The following STAM variants were observed in gnomAD, a reference collection of about 807,000 sequenced individuals.
The protein encoded by STAM is signal transducing adapter molecule 1.
A neutral mutation model predicts 63.4 loss-of-function variants in STAM; 16 were observed. The ratio of observed to expected loss-of-function variants is 0.25; its 90% CI spans 0.17 to 0.38. The LOEUF (loss-of-function observed/expected upper bound fraction) is 0.38. Ranked by LOEUF, STAM falls within the 10% of genes least tolerant of loss-of-function variation. The pLI is 1.00. For missense variants in STAM, 636 were observed against 657.1 expected (o/e 0.97, Z 0.35); for synonymous variants, 238 against 223.9 (o/e 1.06, Z -0.56).
At chr10:17,677,407 A>T (rs1298361367) in intron 2 of STAM, among the ~76,000 whole-genome samples, 1 of 152,036 alleles carries the variant, frequency 6.6e-6, no homozygotes, top group Non-Finnish European at 1.5e-5. Context: ...TCTTTAGATT[A>T]TTTTTTACTG....
chr10:17,685,439 C>T (rs1029048873), intron 4 of STAM, among the ~76,000 whole-genome samples: 2 of 152,110 alleles, frequency 1.3e-5, no homozygotes, highest in African/African-American at 4.8e-5. Context: ...CAAGGGACTG[C>T]CCCAAACTGT....
At chr10:17,687,494 A>C (rs1835343560) in intron 4 of STAM, among the ~76,000 whole-genome samples, 1 of 103,744 alleles carries the variant, frequency 9.6e-6, no homozygotes, top group African/African-American at 3.9e-5. Context: ...GTCTCAAAAA[A>C]CAAACCAAAA....
In STAM at chr10:17,714,691, A is replaced by G; in HGVS notation, c.1534A>G (p.Asn512Asp). 1.2e-6 allele frequency: 2 copies of G among 1,614,092 alleles called. No homozygotes were observed. The highest frequency in any genetic ancestry group is 2.2e-5 in the South Asian group (2 of 91,080). The stretch of plus-strand genomic sequence containing the variant: ...TAATATGCCCCAGGTGCCAAACTAT[A>G]ACTTAACATCATCAACTCTGCCTCA... The part of the protein sequence containing the change: ...GPNMPQVPNY[N>D]LTSSTLPQPG... Residue 512 changes from asparagine to aspartate, a missense_variant, in exon 14 of 14, where the codon AAC (asparagine) becomes GAC (aspartate). By Grantham distance (23) the Asn-to-Asp change is conservative (BLOSUM62 1). Around this residue, in one of 3 missense-constraint regions of STAM, gnomAD observed 532 missense variants for 536.9 expected, o/e 0.99. Transcript: ENST00000377524.
intron 5 of STAM, among the ~76,000 whole-genome samples, chr10:17,689,130 A>G (rs1564555680): frequency 6.6e-6 from 1 of 152,226 alleles, no homozygotes; most frequent in South Asian, 2.1e-4. Context: ...TGTAGAAAAA[A>G]ATCAAGAAAT....
chr10:17,699,581 A>C (rs1835902111), intron 8 of STAM, among the ~76,000 whole-genome samples: 1 of 152,208 alleles, frequency 6.6e-6, no homozygotes, highest in Admixed American at 6.5e-5. Flanking sequence ...ATGTCAAATG[A>C]TAATATTATA....
At chr10:17,702,265 T>G (rs868916671) in intron 9 of STAM, among the ~76,000 whole-genome samples, 1 of 152,174 alleles carries the variant, frequency 6.6e-6, no homozygotes, top group Non-Finnish European at 1.5e-5. Context: ...TTACATACTT[T>G]TAGTGCAAAG....
chr10:17,705,105 CT>C, intron 11 of STAM, 81 bp downstream of exon 11: 1 of 1,192,056 alleles, frequency 8.4e-7, no homozygotes, highest in African/African-American at 1.5e-5. Context: ...CTATAACTGC[CT>C]TTTAAAAAAA....
At chr10:17,660,119 T>C (rs532284143) in intron 1 of STAM, among the ~76,000 whole-genome samples, 49 of 152,318 alleles carry the variant, frequency 3.2e-4, no homozygotes, top group African/African-American at 1.2e-3. Flanking sequence ...AAAGATTTAC[T>C]AGCAAGTAAA....
At chr10:17,653,156 C>T (rs1833803236) in intron 1 of STAM, among the ~76,000 whole-genome samples, 1 of 152,108 alleles carries the variant, frequency 6.6e-6, no homozygotes, top group African/African-American at 2.4e-5. Flanking sequence ...GGATAGGGAC[C>T]TGGAGATTAA....
chr10:17,653,181 T>C (rs1191821602), intron 1 of STAM, among the ~76,000 whole-genome samples: 2 of 152,146 alleles, frequency 1.3e-5, no homozygotes, highest in Non-Finnish European at 2.9e-5. Flanking sequence ...CACTGTGTGG[T>C]CCTATTTCAT....
chr10:17,704,427 G>A lies in STAM; in HGVS notation c.913-4G>A, dbSNP rs782064672. 5 of 1,612,954 alleles carry A rather than the reference G, an allele frequency of 3.1e-6. No individual in the cohort carries two copies. The East Asian group carries it at 1.1e-4, about 36-fold the overall frequency. On this transcript the variant is annotated splice_region_variant and splice_polypyrimidine_tract_variant and intron_variant, in intron 9 of 13. Transcript: ENST00000377524. Reference sequence around the variant, plus strand: ...TTTTTATATTAACTACTTAATTCCTGTAGGATAAAATGGACCAGTTGCTAC... The same window carrying A: ...TTTTTATATTAACTACTTAATTCCTATAGGATAAAATGGACCAGTTGCTAC...
chr10:17,698,754 T>C (rs1353620971), intron 8 of STAM, among the ~76,000 whole-genome samples: 2 of 152,142 alleles, frequency 1.3e-5, no homozygotes, highest in African/African-American at 4.8e-5. Flanking sequence ...TACACACACA[T>C]AGTATTAGTT....
intron 2 of STAM, among the ~76,000 whole-genome samples, chr10:17,682,263 A>G (rs552524085): frequency 6.6e-6 from 1 of 152,362 alleles, no homozygotes; most frequent in South Asian, 2.1e-4. Context: ...GTCTAGCACT[A>G]AATGTGTTTC....
intron 1 of STAM, among the ~76,000 whole-genome samples, chr10:17,647,578 T>G (rs2255153): frequency 0.078 from 11,918 of 152,136 alleles, 553 homozygotes; most frequent in Admixed American, 0.12. Context: ...CCACACTGCT[T>G]GGATTCAGTC....
chr10:17,652,011 T>G (rs1554821617), intron 1 of STAM, among the ~76,000 whole-genome samples: 1 of 152,206 alleles, frequency 6.6e-6, no homozygotes, highest in Non-Finnish European at 1.5e-5. Context: ...CTGTGTATGT[T>G]TTTTCTGGGT....
At chr10:17,697,644 T>G (rs1220290989) in intron 8 of STAM, among the ~76,000 whole-genome samples, 1 of 152,232 alleles carries the variant, frequency 6.6e-6, no homozygotes, top group Non-Finnish European at 1.5e-5. Flanking sequence ...ACTATATTTC[T>G]ACATAATATT....
intron 4 of STAM, among the ~76,000 whole-genome samples, chr10:17,687,110 C>T (rs571918404): frequency 7.9e-5 from 12 of 152,122 alleles, no homozygotes; most frequent in Admixed American, 4.6e-4. Context: ...TTCTTTAATA[C>T]GGAAGAATAA....
chr10:17,646,564 G>T (rs1477010826), intron 1 of STAM, among the ~76,000 whole-genome samples: 1 of 152,226 alleles, frequency 6.6e-6, no homozygotes, highest in African/African-American at 2.4e-5. Flanking sequence ...GAATGTGTCA[G>T]TTGAGCCTGC....
chr10:17,647,412 A>G (rs1833560765), intron 1 of STAM, among the ~76,000 whole-genome samples: 1 of 152,038 alleles, frequency 6.6e-6, no homozygotes, highest in African/African-American at 2.4e-5. Flanking sequence ...TTTTCTACTT[A>G]GCTCCTTTTA....
Sources: allele counts gnomAD v4.1 joint callset (sites outside exome capture counted in the v4.1 genomes callset), GRCh38; gene constraint gnomAD v4.1.1; regional missense constraint gnomAD v4.1.1; transcripts MANE v1.5; gene names NCBI Gene and HGNC (gene_info 2026-07-23, HGNC 2026-07-21).